The following ARHGEF40 variants were observed in gnomAD, a reference collection of about 807,000 sequenced individuals.
ARHGEF40 encodes the protein Rho guanine nucleotide exchange factor 40.
A neutral mutation model predicts 165.9 loss-of-function variants in ARHGEF40; 98 were observed. That is an observed-to-expected ratio of 0.59 (90% CI 0.50 to 0.70). ARHGEF40 has a LOEUF of 0.70. Ranked by LOEUF, ARHGEF40 falls within the 30% of genes least tolerant of loss-of-function variation. The pLI, the probability that ARHGEF40 is intolerant of heterozygous loss-of-function variation, is 0.00. For missense variants in ARHGEF40, 1,815 were observed against 1,968.0 expected (o/e 0.92, Z 1.47); for synonymous variants, 792 against 814.3 (o/e 0.97, Z 0.47).
At chr14:21,062,826 C>G in the ARHGEF40 span, among the ~76,000 whole-genome samples, 2 of 151,104 alleles carry the variant, frequency 1.3e-5, no homozygotes, top group East Asian at 3.9e-4. Flanking sequence ...ACTGCAACCT[C>G]CACCTCCCAG....
the ARHGEF40 span, among the ~76,000 whole-genome samples, chr14:21,062,255 T>C: frequency 6.6e-6 from 1 of 152,278 alleles, no homozygotes; most frequent in Non-Finnish European, 1.5e-5. Context: ...TTTTCATCTG[T>C]ACTGCACAGT....
intron 8 of ARHGEF40, 101 bp downstream of exon 8, chr14:21,076,991 C>CA (rs1383994957): frequency 2.0e-6 from 2 of 1,001,682 alleles, no homozygotes; most frequent in African/African-American, 1.6e-5. Context: ...CATGAGGTTG[C>CA]AAAAAAGTGG....
Position 21,070,369 on chromosome 14 carries a change from A to C in ARHGEF40, c.-28A>C. Reference sequence around the variant, plus strand: ...GCGCCCGGCCCCGCCCGCCCGACCAAGCGTCGGACGCGGCCCGGCGCCGAG... The same window carrying C: ...GCGCCCGGCCCCGCCCGCCCGACCACGCGTCGGACGCGGCCCGGCGCCGAG... On this transcript the variant is annotated 5_prime_UTR_variant, in exon 1 of 24. Transcript: ENST00000298694. This position sits in a 1 kb window ranked among gnomAD's most constrained non-coding sequence, Gnocchi z 4.7. The C allele has an allele frequency of 7.1e-7, 1 of 1,408,478 alleles. No individual in the cohort carries two copies. Among genetic ancestry groups the C allele is most frequent in the South Asian group, 1.5e-5 (1 of 65,802 alleles). 87.2% of individuals were successfully genotyped at this position (1,408,478 alleles called of 1,614,324 possible).
chr14:21,071,988 A>T (rs1380596804), intron 1 of ARHGEF40, among the ~76,000 whole-genome samples: 2 of 152,248 alleles, frequency 1.3e-5, no homozygotes, highest in Non-Finnish European at 2.9e-5. Context: ...TGGCAAAGGC[A>T]AGGTATGGGG....
chr14:21,075,654 A>C lies in ARHGEF40; in HGVS notation c.1628A>C (p.Asp543Ala), dbSNP rs1218971920. The C allele has an allele frequency of 1.2e-6, 2 of 1,614,000 alleles. No homozygotes were observed. Among genetic ancestry groups the C allele is most frequent in the East Asian group, 2.2e-5 (1 of 44,876 alleles). Residue 543 changes from aspartate (D) to alanine (A), a missense_variant, in exon 5 of 24, where the codon GAC (aspartate) becomes GCC (alanine). By Grantham distance (126) the Asp-to-Ala change is moderately radical. Transcript: ENST00000298694. The surrounding 1 kb of genome is among the most constrained non-coding windows in gnomAD (Gnocchi z 4.5). ...SGFLILTGGV[D>A]QSGRALLTIT... Reference sequence around the variant, plus strand: ...CATTTTGTGTCTTCAGGAGGGGTGGACCAGAGTGGGCGAGCTCTGCTGACC... The same window carrying C: ...CATTTTGTGTCTTCAGGAGGGGTGGCCCAGAGTGGGCGAGCTCTGCTGACC...
At chr14:21,064,899 G>C in the ARHGEF40 span, among the ~76,000 whole-genome samples, 134 of 152,298 alleles carry the variant, frequency 8.8e-4, no homozygotes, top group African/African-American at 3.2e-3. Context: ...GGCCGGGCAT[G>C]GTGGCTCATG....
chr14:21,066,104 T>TAAC (rs951156309), upstream of ARHGEF40, among the ~76,000 whole-genome samples: 15 of 151,882 alleles, frequency 9.9e-5, no homozygotes, highest in African/African-American at 2.4e-4. Context: ...TTTTCAACAA[T>TAAC]AACAACAACA....
At chr14:21,087,671 A>T in intron 21 of ARHGEF40, 1 of 734,880 alleles carries the variant, frequency 1.4e-6, no homozygotes, top group Non-Finnish European at 2.2e-6. Context: ...CTTCCTCTGT[A>T]CCTCTCTCTC....
intron 22 of ARHGEF40, 69 bp from the exon 23 acceptor site, chr14:21,088,761 G>T (rs1205416830): frequency 6.7e-7 from 1 of 1,494,574 alleles, no homozygotes; most frequent in South Asian, 1.2e-5. Flanking sequence ...TTGTGGGGAG[G>T]AATGGAGGAA....
In ARHGEF40 at chr14:21,074,641, G is replaced by T; in HGVS notation, c.911G>T (p.Arg304Leu). The change falls in exon 3 of 24, where the codon CGC becomes CTC. Residue 304 changes from arginine to leucine, a missense_variant. By Grantham distance (102) the Arg-to-Leu change is moderately radical. Coordinates refer to ENST00000298694, the MANE Select transcript of ARHGEF40 (RefSeq NM_018071.5). The surrounding 1 kb of genome is among the most constrained non-coding windows in gnomAD (Gnocchi z 4.8). ...GLGPRGQDGA[R>L]PPGEGSSTGA... ...GGGCCTCGGGGCCAGGATGGAGCAC[G>T]CCCACCCGGCGAGGGGAGCAGCACC... The T allele has an allele frequency of 6.4e-7, 1 of 1,565,354 alleles. No homozygotes were observed. Among genetic ancestry groups the T allele is most frequent in the Non-Finnish European group, 8.6e-7 (1 of 1,156,578 alleles).
intron 11 of ARHGEF40, among the ~76,000 whole-genome samples, chr14:21,079,397 T>C (rs1477865577): frequency 2.0e-5 from 3 of 152,152 alleles, no homozygotes; most frequent in Admixed American, 2.0e-4. Flanking sequence ...TAACTCCTTA[T>C]GCGATGTCAT....
intron 17 of ARHGEF40, 36 bp from the exon 18 acceptor site, chr14:21,084,717 C>A: frequency 1.2e-6 from 2 of 1,600,260 alleles, no homozygotes; most frequent in Non-Finnish European, 8.5e-7. Context: ...AACAAAGGGC[C>A]CCTGGGCCAA....
In ARHGEF40 at chr14:21,090,185, G is replaced by T. The variant is rs1236719444; in HGVS notation, c.*1177G>T. On this transcript the variant is annotated 3_prime_UTR_variant, in exon 24 of 24. Transcript: ENST00000298694. This position sits in a 1 kb window ranked among gnomAD's most constrained non-coding sequence, Gnocchi z 4.4. ...CAGGGCCCCTGATGGGGCTAGAAGG[G>T]TACAGTGCCCCCCACCCTCACCCCT... The T allele has an allele frequency of 7.1e-5, 38 of 538,614 alleles. No individual in the cohort carries two copies. The Admixed American group carries it at 8.5e-4, about 12-fold the overall frequency. 33.4% of individuals were successfully genotyped at this position (538,614 alleles called of 1,614,324 possible).
chr14:21,075,223 C>A lies in ARHGEF40; in HGVS notation c.1450+43C>A. On this transcript the variant is annotated intron_variant, in intron 3 of 23. Transcript: ENST00000298694. The surrounding 1 kb of genome is among the most constrained non-coding windows in gnomAD (Gnocchi z 4.5). ...GAGGCTCATGGGGCAAGGGCCAAAGCAGGTCGGGCCTATGGGAGGGGGCAG... is the reference window on the plus strand; with the variant it reads ...GAGGCTCATGGGGCAAGGGCCAAAGAAGGTCGGGCCTATGGGAGGGGGCAG... The A allele has an allele frequency of 6.3e-7, 1 of 1,582,608 alleles. No homozygotes were observed. The highest frequency in any genetic ancestry group is 1.2e-5 in the South Asian group (1 of 85,178).
chr14:21,078,646 C>G (rs1263889380), intron 10 of ARHGEF40, among the ~76,000 whole-genome samples, 158 bp downstream of exon 10: 4 of 152,216 alleles, frequency 2.6e-5, no homozygotes, highest in Non-Finnish European at 5.9e-5. Flanking sequence ...CTCACAACAT[C>G]CTTATGTGCC....
chr14:21,076,828 C>A lies in ARHGEF40; in HGVS notation c.1972C>A (p.Leu658Met), dbSNP rs756655141. Residue 658 changes from leucine (L) to methionine (M), a missense_variant, in exon 8 of 24, where the codon CTG becomes ATG. Coordinates refer to ENST00000298694, the MANE Select transcript of ARHGEF40 (RefSeq NM_018071.5). The part of the protein sequence containing the change: ...DLKRVAKPEE[L>M]QWELGGHRDP... ...GAAAAGAGTGGCCAAGCCAGAGGAGCTGCAGTGGGAGTTAGGAGGTCACAG... is the reference window on the plus strand; with the variant it reads ...GAAAAGAGTGGCCAAGCCAGAGGAGATGCAGTGGGAGTTAGGAGGTCACAG... 11 of 1,614,010 alleles carry A rather than the reference C, an allele frequency of 6.8e-6. No homozygotes were observed. The Admixed American group carries it at 1.7e-4, about 24-fold the overall frequency.
Position 21,075,012 on chromosome 14 carries a change from T to C in ARHGEF40, c.1282T>C (p.Cys428Arg), listed in dbSNP as rs761788361. 2 of 1,613,524 alleles carry C rather than the reference T, an allele frequency of 1.2e-6. No individual in the cohort carries two copies. Among genetic ancestry groups the C allele is most frequent in the South Asian group, 1.1e-5 (1 of 91,038 alleles). Residue 428 changes from cysteine (C) to arginine (R), a missense_variant, in exon 3 of 24, where the codon TGC (cysteine) becomes CGC (arginine). Cys to Arg is a radical substitution (Grantham distance 180). Coordinates refer to ENST00000298694, the MANE Select transcript of ARHGEF40 (RefSeq NM_018071.5). The surrounding 1 kb of genome is among the most constrained non-coding windows in gnomAD (Gnocchi z 4.5). Reference sequence around the variant, plus strand: ...ACCAAGTGAGCACAAGCTTCCAGAATGCCACCTGGTTAAGGAGGAATATGA... The same window carrying C: ...ACCAAGTGAGCACAAGCTTCCAGAACGCCACCTGGTTAAGGAGGAATATGA... ...PSPSEHKLPE[C>R]HLVKEEYEGS...
chr14:21,083,920 A>G lies in ARHGEF40; in HGVS notation c.3659A>G (p.Glu1220Gly). 6.2e-7 allele frequency: 1 copy of G among 1,614,030 alleles called. No individual in the cohort carries two copies. Among genetic ancestry groups the G allele is most frequent in the Non-Finnish European group, 8.5e-7 (1 of 1,180,032 alleles). Reference protein sequence around the residue: ...QLTRYGRLLEELLREAGPELS... With the variant: ...QLTRYGRLLEGLLREAGPELS... ...ACTCGGTATGGGCGGCTCCTGGAGG[A>G]GCTCCTGAGGGAAGCTGGGCCTGAG... Residue 1220 changes from glutamate to glycine, a missense_variant, in exon 17 of 24, where the codon GAG (glutamate) becomes GGG (glycine). Coordinates refer to ENST00000298694, the MANE Select transcript of ARHGEF40 (RefSeq NM_018071.5).
intron 8 of ARHGEF40, among the ~76,000 whole-genome samples, chr14:21,077,271 G>GT (rs1887501377): frequency 7.2e-6 from 1 of 138,346 alleles, no homozygotes; most frequent in Non-Finnish European, 1.6e-5. Context: ...CACCCACCTA[G>GT]TTTTTGTATT....
Sources: allele counts gnomAD v4.1 joint callset (sites outside exome capture counted in the v4.1 genomes callset), GRCh38; gene constraint gnomAD v4.1.1; non-coding constraint Gnocchi (gnomAD v3.1); transcripts MANE v1.5; gene names NCBI Gene and HGNC (gene_info 2026-07-23, HGNC 2026-07-21).